PHF21A: variants seen among roughly 807,000 people sequenced by gnomAD.
The protein encoded by PHF21A is PHD finger protein 21A, also known as BHC80a.
PHF21A carries 11 observed loss-of-function variants against 82.5 expected under a neutral mutation model. That is an observed-to-expected ratio of 0.13 (90% CI 0.08 to 0.22). PHF21A has a LOEUF of 0.22. Among genes scored for constraint, PHF21A ranks in the 10% least tolerant of loss-of-function variants. The pLI, the probability that PHF21A is intolerant of heterozygous loss-of-function variation, is 1.00. For synonymous variants in PHF21A, 297 were observed against 302.8 expected (o/e 0.98, Z 0.20); for missense variants, 579 against 837.8 (o/e 0.69, Z 3.81).
intron 10 of PHF21A, among the ~76,000 whole-genome samples, chr11:45,962,888 G>C (rs1310742884): frequency 1.3e-5 from 2 of 150,992 alleles, no homozygotes; most frequent in African/African-American, 4.9e-5. Context: ...GCGAGACTCT[G>C]TCTCAAAAAA....
chr11:45,988,765 A>G (rs536581849), intron 6 of PHF21A, among the ~76,000 whole-genome samples: 1 of 152,102 alleles, frequency 6.6e-6, no homozygotes, highest in South Asian at 2.1e-4. Context: ...TGGTGGCACA[A>G]TTGTAGTCCC....
chr11:46,024,373 A>G, intron 6 of PHF21A, among the ~76,000 whole-genome samples: 1 of 152,024 alleles, frequency 6.6e-6, no homozygotes, highest in Non-Finnish European at 1.5e-5. Context: ...TCTGCTTGTT[A>G]TTAAGCAACA....
chr11:45,930,905 G>GCCCCC lies in PHF21A; in HGVS notation c.*3058_*3062dup, dbSNP rs61505607. The stretch of plus-strand genomic sequence containing the variant: ...GAGCGTATGTCTCAGGTGGTCACAG[G>GCCCCC]CCCCCCCCCCTCCCCGCCCAGGTCT... On this transcript the variant is annotated 3_prime_UTR_variant, in exon 19 of 19. Coordinates refer to ENST00000676320, the MANE Select transcript of PHF21A (RefSeq NM_001352027.3). The GCCCCC allele has an allele frequency of 1.6e-3, 219 of 135,458 alleles. No individual in the cohort carries two copies. The highest frequency in any genetic ancestry group is 2.4e-3 in the South Asian group (10 of 4,086). The allele number at this position is 135,458 out of a possible 1,614,324, so 8.4% of individuals were successfully genotyped here. A position where few individuals can be genotyped will look rare whatever the true frequency, so the allele number is the denominator to read the frequency against.
chr11:45,986,762 G>A (rs1591624722), intron 6 of PHF21A, among the ~76,000 whole-genome samples: 1 of 152,130 alleles, frequency 6.6e-6, no homozygotes, highest in African/African-American at 2.4e-5. Context: ...GACACAATTT[G>A]TCTAGTATGA....
At chr11:46,004,543 T>A (rs979533885) in intron 6 of PHF21A, among the ~76,000 whole-genome samples, 1 of 152,226 alleles carries the variant, frequency 6.6e-6, no homozygotes, top group Non-Finnish European at 1.5e-5. Context: ...AAATATTTTA[T>A]CAGTAGCTAT....
intron 14 of PHF21A, among the ~76,000 whole-genome samples, chr11:45,948,303 G>T (rs761871600): frequency 6.6e-6 from 1 of 152,188 alleles, no homozygotes; most frequent in Admixed American, 6.5e-5. Context: ...CCATGGGAAG[G>T]TCTGAAATAT....
intron 16 of PHF21A, 49 bp downstream of exon 16, chr11:45,938,108 G>T (rs578197167): frequency 3.5e-6 from 5 of 1,444,724 alleles, no homozygotes; most frequent in Non-Finnish European, 4.7e-6. Flanking sequence ...CCTGATGGCC[G>T]TGTCTTTGTC....
At chr11:46,040,924 C>G (rs987053250) in intron 6 of PHF21A, among the ~76,000 whole-genome samples, 1 of 124,778 alleles carries the variant, frequency 8.0e-6, no homozygotes, top group African/African-American at 3.4e-5. Context: ...CACACACACA[C>G]ACACACACAC....
chr11:46,066,767 G>A lies in PHF21A; in HGVS notation c.153+9987C>T, dbSNP rs984758430. ...AACAAAAGCATATATAAAGTTAAAC[G>A]TGCTAGCTCTCTTGAACCTCACTTC... On this transcript the variant is annotated intron_variant, in intron 6 of 18. Coordinates refer to ENST00000676320, the MANE Select transcript of PHF21A (RefSeq NM_001352027.3). Among the ~76,000 whole-genome samples, 82 of 152,046 alleles carry A rather than the reference G, an allele frequency of 5.4e-4. 3 individuals carry two copies. The highest frequency in any genetic ancestry group is 2.9e-5 in the Non-Finnish European group (2 of 68,004).
chr11:45,998,023 A>G (rs2136921290), intron 6 of PHF21A, among the ~76,000 whole-genome samples: 1 of 152,326 alleles, frequency 6.6e-6, no homozygotes, highest in East Asian at 1.9e-4. Context: ...AAAACATTTC[A>G]GTACCATCAG....
chr11:45,954,279 G>A (rs979813464), intron 10 of PHF21A, among the ~76,000 whole-genome samples: 2 of 152,142 alleles, frequency 1.3e-5, no homozygotes, highest in African/African-American at 4.8e-5. Context: ...TTACAGGCGT[G>A]AGCCACCATG....
intron 6 of PHF21A, among the ~76,000 whole-genome samples, chr11:46,041,958 A>ATC (rs1393520160): frequency 6.6e-6 from 1 of 152,124 alleles, no homozygotes; most frequent in African/African-American, 2.4e-5. Context: ...GATCCTGGGG[A>ATC]CAGGATTCAT....
chr11:46,013,010 T>C (rs1303486882), intron 6 of PHF21A, among the ~76,000 whole-genome samples: 3 of 152,198 alleles, frequency 2.0e-5, no homozygotes, highest in Non-Finnish European at 2.9e-5. Context: ...CAGTGGATGC[T>C]TGAAACTGCA....
At chr11:46,053,610 G>A (rs745415453) in intron 6 of PHF21A, among the ~76,000 whole-genome samples, 72 of 151,932 alleles carry the variant, frequency 4.7e-4, no homozygotes, top group Non-Finnish European at 1.2e-4. Flanking sequence ...CTTAATCAGT[G>A]TTTCATACAG....
intron 16 of PHF21A, chr11:45,936,775 G>A (rs2089168530): frequency 1.9e-6 from 1 of 537,100 alleles, no homozygotes; most frequent in Admixed American, 3.4e-5. Flanking sequence ...GGCAGGAAGA[G>A]CCAGGACACT....
intron 7 of PHF21A, among the ~76,000 whole-genome samples, chr11:45,972,558 G>T (rs1022221452): frequency 6.6e-6 from 1 of 152,184 alleles, no homozygotes; most frequent in Non-Finnish European, 1.5e-5. Flanking sequence ...CAGGTGGATC[G>T]TCTGAGGTCA....
At chr11:46,114,115 CCA>C (rs1430911318) in intron 1 of PHF21A, among the ~76,000 whole-genome samples, 1 of 151,530 alleles carries the variant, frequency 6.6e-6, no homozygotes, top group African/African-American at 2.4e-5. Flanking sequence ...GCACACATCC[CCA>C]CACACACACG....
Position 45,970,155 on chromosome 11 carries a change from A to T in PHF21A, c.613-251T>A. ...TAATGGAGAACATAGCAGGCTCAGT[A>T]AATCTTAGACAATTTTCTTTGACAC... On this transcript the variant is annotated intron_variant, in intron 8 of 18. Transcript: ENST00000676320. 7.5e-6 allele frequency: 3 copies of T among 401,452 alleles called. No homozygotes were observed. In the South Asian group the frequency reaches 9.1e-5, roughly 12 times the overall value. The allele number at this position is 401,452 out of a possible 1,614,324, so 24.9% of individuals were successfully genotyped here.
At chr11:46,063,041 C>T (rs943903298) in intron 6 of PHF21A, among the ~76,000 whole-genome samples, 3 of 152,122 alleles carry the variant, frequency 2.0e-5, no homozygotes, top group African/African-American at 7.2e-5. Flanking sequence ...AAAAATTACT[C>T]TTTCAAGGTG....
Sources: allele counts gnomAD v4.1 joint callset (sites outside exome capture counted in the v4.1 genomes callset), GRCh38; gene constraint gnomAD v4.1.1; transcripts MANE v1.5; gene names NCBI Gene and HGNC (gene_info 2026-07-23, HGNC 2026-07-21).